Variants in ZFPM2 observed in about 807,000 individuals in gnomAD.
ZFPM2 encodes zinc finger protein, FOG family member 2, also known as zinc finger protein ZFPM2.
A neutral mutation model predicts 98.6 loss-of-function variants in ZFPM2; 20 were observed. The ratio of observed to expected loss-of-function variants is 0.20; its 90% CI spans 0.14 to 0.29. The LOEUF (loss-of-function observed/expected upper bound fraction) is 0.29, where lower values mean the gene tolerates loss of function less well. ZFPM2 is among the 10% of genes least tolerant of loss of function. The pLI is 1.00. For synonymous variants in ZFPM2, 518 were observed against 502.7 expected, an observed-to-expected ratio of 1.03 and a Z score of -0.41; for missense variants, 1,310 against 1,388.6, an observed-to-expected ratio of 0.94 and a Z score of 0.90.
At chr8:105,560,754 A>C (rs1256482086) in intron 3 of ZFPM2, among the ~76,000 whole-genome samples, 1 of 152,186 alleles carries the variant, frequency 6.6e-6, no homozygotes, top group African/African-American at 2.4e-5. Flanking sequence ...GAAAGGAAGA[A>C]GACCTTCCAA....
intron 2 of ZFPM2, among the ~76,000 whole-genome samples, chr8:105,442,625 A>G (rs1812277652): frequency 6.6e-6 from 1 of 152,140 alleles, no homozygotes; most frequent in Non-Finnish European, 1.5e-5. Context: ...TGGTTTATGT[A>G]TTTTATTCTT....
chr8:105,585,939 T>C (rs1586480590), intron 4 of ZFPM2, among the ~76,000 whole-genome samples: 1 of 150,432 alleles, frequency 6.6e-6, no homozygotes, highest in South Asian at 2.1e-4. Flanking sequence ...TGAGTAAGAA[T>C]AAATTGAGAG....
intron 3 of ZFPM2, among the ~76,000 whole-genome samples, chr8:105,477,113 G>A (rs1761313264): frequency 6.6e-6 from 1 of 151,788 alleles, no homozygotes; most frequent in Non-Finnish European, 1.5e-5. Context: ...TTGACAAGAT[G>A]TATATTCAAC....
At chr8:105,412,230 A>G (rs1811591049) in intron 1 of ZFPM2, among the ~76,000 whole-genome samples, 1 of 151,778 alleles carries the variant, frequency 6.6e-6, no homozygotes, top group Non-Finnish European at 1.5e-5. Context: ...TCATTTTTCA[A>G]TGGTGTGTGG....
At chr8:105,343,073 G>A (rs1339274203) in intron 1 of ZFPM2, among the ~76,000 whole-genome samples, 1 of 152,044 alleles carries the variant, frequency 6.6e-6, no homozygotes, top group Non-Finnish European at 1.5e-5. Context: ...AACAAGATCA[G>A]GTTGCAAAGC....
chr8:105,585,050 G>A (rs533089901), intron 4 of ZFPM2, among the ~76,000 whole-genome samples: 2 of 152,308 alleles, frequency 1.3e-5, no homozygotes, highest in South Asian at 4.1e-4. Context: ...TTAGGACAGG[G>A]AAGCATTGGG....
intron 3 of ZFPM2, among the ~76,000 whole-genome samples, chr8:105,463,987 G>A (rs1467626661): frequency 1.3e-5 from 2 of 151,982 alleles, no homozygotes; most frequent in Non-Finnish European, 2.9e-5. Context: ...CCGCCTCCCC[G>A]CTAGGCTGTC....
Position 105,617,601 on chromosome 8 carries a change from C to G in ZFPM2, c.421-16645C>G, listed in dbSNP as rs138980961. On this transcript the variant is annotated intron_variant, in intron 4 of 7. Transcript: ENST00000407775. ...CAGATTGCATACTGATGCCTCACCACAAAGTATAATGTGATGAGGCTGTAT... is the reference window on the plus strand; with the variant it reads ...CAGATTGCATACTGATGCCTCACCAGAAAGTATAATGTGATGAGGCTGTAT... Among the ~76,000 whole-genome samples, 692 of 152,232 alleles carry G rather than the reference C, an allele frequency of 4.5e-3. 1 individual carries two copies. The highest frequency in any genetic ancestry group is 8.1e-3 in the Non-Finnish European group (553 of 68,016).
chr8:105,444,158 T>A, intron 2 of ZFPM2, 122 bp from the exon 3 acceptor site: 1 of 719,794 alleles, frequency 1.4e-6, no homozygotes, highest in Non-Finnish European at 2.4e-6. Flanking sequence ...ATTAGTGTAA[T>A]GACAATATGT....
intron 5 of ZFPM2, among the ~76,000 whole-genome samples, chr8:105,779,672 G>A (rs1274236739): frequency 1.3e-5 from 2 of 152,184 alleles, no homozygotes; most frequent in Non-Finnish European, 2.9e-5. Context: ...TGGTTGACAA[G>A]TAGGGAGTAT....
intron 1 of ZFPM2, among the ~76,000 whole-genome samples, chr8:105,386,395 G>A (rs980256491): frequency 1.3e-5 from 2 of 152,112 alleles, no homozygotes; most frequent in African/African-American, 4.8e-5. Context: ...TCCTGTGTCC[G>A]GAATTCGTGG....
At chr8:105,591,869 A>G (rs1815851824) in intron 4 of ZFPM2, among the ~76,000 whole-genome samples, 1 of 152,174 alleles carries the variant, frequency 6.6e-6, no homozygotes, top group Non-Finnish European at 1.5e-5. Context: ...CACAGAAGTA[A>G]AATATAATAC....
intron 5 of ZFPM2, among the ~76,000 whole-genome samples, chr8:105,749,980 A>G (rs1448671576): frequency 6.6e-6 from 1 of 152,090 alleles, no homozygotes; most frequent in Non-Finnish European, 1.5e-5. Context: ...CCTGGGCCAC[A>G]GCAGTGAATC....
At chr8:105,395,277 T>C (rs1454992414) in intron 1 of ZFPM2, among the ~76,000 whole-genome samples, 1 of 152,234 alleles carries the variant, frequency 6.6e-6, no homozygotes, top group Non-Finnish European at 1.5e-5. Flanking sequence ...TTATCTGAAA[T>C]GAAAGTTTAT....
intron 1 of ZFPM2, among the ~76,000 whole-genome samples, chr8:105,354,663 C>T (rs1434695858): frequency 6.6e-6 from 1 of 152,094 alleles, no homozygotes; most frequent in Non-Finnish European, 1.5e-5. Flanking sequence ...AGTACAAAAC[C>T]ACACACAGTA....
chr8:105,794,939 G>A (rs965544602), intron 6 of ZFPM2, among the ~76,000 whole-genome samples: 14 of 152,144 alleles, frequency 9.2e-5, no homozygotes, highest in African/African-American at 2.9e-4. Context: ...TCGGAAAATC[G>A]CAGTATTCGG....
chr8:105,648,810 A>G (rs1586173111), intron 5 of ZFPM2, among the ~76,000 whole-genome samples: 2 of 152,120 alleles, frequency 1.3e-5, no homozygotes, highest in Admixed American at 6.6e-5. Flanking sequence ...ATCAGGTAGC[A>G]TGATGCCTCC....
chr8:105,393,337 C>CTGTCTGTCTTTCTTTCTTTCTTTCTTT (rs1554600680), intron 1 of ZFPM2, among the ~76,000 whole-genome samples: 3 of 114,846 alleles, frequency 2.6e-5, no homozygotes, highest in African/African-American at 9.6e-5. Context: ...TCTCTCTTTG[C>CTGTCTGTCTTTCTTTCTTTCTTTCTTT]CTTTCTTTCT....
At chr8:105,441,048 G>A (rs1812226539) in intron 2 of ZFPM2, among the ~76,000 whole-genome samples, 1 of 151,960 alleles carries the variant, frequency 6.6e-6, no homozygotes, top group Non-Finnish European at 1.5e-5. Flanking sequence ...CCAGCTACTT[G>A]GGAGGCTGAG....
Sources: gnomAD v4.1 joint callset for allele counts (sites outside exome capture counted in the v4.1 genomes callset) on GRCh38, gnomAD v4.1.1 for gene constraint, MANE v1.5 for transcripts, NCBI Gene and HGNC (gene_info 2026-07-23, HGNC 2026-07-21) for gene names.